NSUN2: variants seen among roughly 807,000 people sequenced by gnomAD.
NSUN2 encodes the protein NOP2/Sun RNA methyltransferase 2, also known as RNA cytosine C(5)-methyltransferase NSUN2.
NSUN2 carries 63 observed loss-of-function variants against 92.7 expected under a neutral mutation model. The observed-to-expected ratio is 0.68, with a 90% CI of 0.56 to 0.84. The LOEUF (loss-of-function observed/expected upper bound fraction) is 0.84, where lower values mean the gene tolerates loss of function less well. NSUN2 is among the 40% of genes least tolerant of loss of function. The probability of loss-of-function intolerance (pLI) is 0.00; values close to 1 mark genes in which losing one functional copy is unlikely to be tolerated. For missense variants in NSUN2, 989 were observed against 964.9 expected, an observed-to-expected ratio of 1.02 and a Z score of -0.33; for synonymous variants, 356 against 348.3, an observed-to-expected ratio of 1.02 and a Z score of -0.25.
In NSUN2 at chr5:6,604,222, C is replaced by G. The variant is rs758271118; in HGVS notation, c.1873G>C (p.Glu625Gln). 8.7e-6 allele frequency: 14 copies of G among 1,606,730 alleles called. No homozygotes were observed. The highest frequency in any genetic ancestry group is 1.3e-5 in the African/African-American group (1 of 74,754). Residue 625 changes from glutamate (E) to glutamine (Q), a missense_variant, in exon 17 of 19, where the codon GAA (glutamate) becomes CAA (glutamine). Transcript: ENST00000264670. ...INSRIITVSM[E>Q]DVKILLTQEN... ...TGGGTCAACAGTATCTTAACATCTT[C>G]CATTGATACAGTAATAATTCTTGAG...
Position 6,611,448 on chromosome 5 carries a change from T to TAAAAAAAAAAAAAAAAAAAAAAAA in NSUN2, c.1095+276_1095+277insTTTTTTTTTTTTTTTTTTTTTTTT, listed in dbSNP as rs760872450. 5.6e-4 allele frequency among the ~76,000 whole-genome samples: 48 copies of TAAAAAAAAAAAAAAAAAAAAAAAA among 86,076 alleles called. 8 individuals carry two copies. The highest frequency in any genetic ancestry group is 1.4e-3 in the East Asian group (4 of 2,962). 56.5% of individuals were successfully genotyped at this position (86,076 alleles called of 152,430 possible). Reference sequence around the variant, plus strand: ...ACAAGGCTTGAATCCCGGCCCAATTTAAAAAAAAAAAAAAAAAGCAAAGCT... The same window carrying TAAAAAAAAAAAAAAAAAAAAAAAA: ...ACAAGGCTTGAATCCCGGCCCAATTTAAAAAAAAAAAAAAAAAAAAAAAAAAAAAAAAAAAAAAAAAGCAAAGCT... On this transcript the variant is annotated intron_variant, in intron 10 of 18. Transcript: ENST00000264670.
intron 2 of NSUN2, 87 bp from the exon 3 acceptor site, chr5:6,632,064 T>C (rs1737929873): frequency 9.7e-7 from 1 of 1,032,142 alleles, no homozygotes; most frequent in South Asian, 1.4e-5. Flanking sequence ...GCAAGTGTTT[T>C]AAAACTAAAA....
intron 6 of NSUN2, 37 bp from the exon 7 acceptor site, chr5:6,620,335 G>A: frequency 6.8e-7 from 1 of 1,474,862 alleles, no homozygotes; most frequent in East Asian, 2.5e-5. Context: ...GTGAAATGGA[G>A]CCTAAGTGGA....
intron 5 of NSUN2, 122 bp downstream of exon 5, chr5:6,623,092 C>T: frequency 1.5e-6 from 1 of 683,854 alleles, no homozygotes. Context: ...CACTCTCTAT[C>T]CAAAGTGAAA....
Position 6,600,026 on chromosome 5 carries a change from C to G in NSUN2, c.2204G>C (p.Gly735Ala). 1 of 1,614,232 alleles carries G rather than the reference C, an allele frequency of 6.2e-7. No homozygotes were observed. The highest frequency in any genetic ancestry group is 8.5e-7 in the Non-Finnish European group (1 of 1,180,030). Residue 735 changes from glycine (G) to alanine (A), a missense_variant, in exon 19 of 19, where the codon GGA becomes GCA. Around this residue, in one of 3 missense-constraint regions of NSUN2, gnomAD observed 626 missense variants for 602.3 expected, o/e 1.04. Transcript: ENST00000264670. ...TGQPDNDVTE[G>A]QRAGEPNSPD... ...GCTGTTGGGCTCTCCTGCTCTCTGT[C>G]CCTCAGTCACGTCATTGTCTGGCTG... is the stretch of plus-strand genomic sequence containing the variant.
At chr5:6,610,065 ATTT>A (rs59901468) in intron 11 of NSUN2, 143 bp from the exon 12 acceptor site, 632 of 376,020 alleles carry the variant, frequency 1.7e-3, no homozygotes, top group South Asian at 2.6e-3. Flanking sequence ...GTAAACTTAA[ATTT>A]TTTTTTTTTT....
chr5:6,612,675 C>T (rs1441998296), intron 9 of NSUN2, among the ~76,000 whole-genome samples: 1 of 152,186 alleles, frequency 6.6e-6, no homozygotes, highest in African/African-American at 2.4e-5. Context: ...AGTAAGAAAC[C>T]TTTGAAGCAA....
rs1273326096 is a variant in NSUN2, at chr5:6,631,972, G to C, written c.260C>G (p.Ala87Gly). The C allele has an allele frequency of 6.2e-7, 1 of 1,609,654 alleles. No individual in the cohort carries two copies. Among genetic ancestry groups the C allele is most frequent in the Non-Finnish European group, 8.5e-7 (1 of 1,177,338 alleles). Residue 87 changes from alanine to glycine, a missense_variant, in exon 3 of 19, where the codon GCA becomes GGA. Ala to Gly is a moderately conservative substitution (Grantham distance 60). Around this residue, in one of 3 missense-constraint regions of NSUN2, gnomAD observed 356 missense variants for 338.6 expected, o/e 1.05. Transcript: ENST00000264670. ...TLRITGYKSHAKEILHCLKNK... is the reference protein window; with the variant it reads ...TLRITGYKSHGKEILHCLKNK... ...CTTTAAGCAATGGAGAATCTCTTTT[G>C]CGTGGCTATTGAAAAATAAGGAAGT...
intron 3 of NSUN2, among the ~76,000 whole-genome samples, chr5:6,626,881 G>C (rs1737677548): frequency 6.6e-6 from 1 of 152,176 alleles, no homozygotes; most frequent in Admixed American, 6.5e-5. Flanking sequence ...ATTGTAGCTA[G>C]AGTGAAAACC....
Position 6,604,639 on chromosome 5 carries a change from T to C in NSUN2, c.1784A>G (p.Glu595Gly). The C allele has an allele frequency of 6.2e-7, 1 of 1,614,066 alleles. No homozygotes were observed. The highest frequency in any genetic ancestry group is 1.1e-5 in the South Asian group (1 of 91,078). ...IKVWCRNNSG[E>G]EFDCAFRLAQ... ...CAGCCGGAAAGCACAGTCAAACTCT[T>C]CACCGCTGTTATTTCTACACCAGAC... The change falls in exon 16 of 19, where the codon GAA becomes GGA. Residue 595 changes from glutamate to glycine, a missense_variant. By Grantham distance (98) the Glu-to-Gly change is moderately conservative. Around this residue, in one of 3 missense-constraint regions of NSUN2, gnomAD observed 626 missense variants for 602.3 expected, o/e 1.04. Transcript: ENST00000264670.
In NSUN2 at chr5:6,602,428, G is replaced by A. The variant is rs1736594530; in HGVS notation, c.1997+33C>T. 11 of 1,604,640 alleles carry A rather than the reference G, an allele frequency of 6.9e-6. 1 individual carries two copies. The highest frequency in any genetic ancestry group is 2.2e-5 in the East Asian group (1 of 44,826). ...AACACTGTAGCTAATGACAAGGCGT[G>A]TGTGTCTAAGGGCAGGGCGTGTACT... On this transcript the variant is annotated intron_variant, in intron 18 of 18. Transcript: ENST00000264670.
At chr5:6,626,487 A>G (rs535935649) in intron 3 of NSUN2, among the ~76,000 whole-genome samples, 1 of 152,172 alleles carries the variant, frequency 6.6e-6, no homozygotes, top group South Asian at 2.1e-4. Context: ...CTCATGCCTC[A>G]GTCAGCCACC....
intron 9 of NSUN2, among the ~76,000 whole-genome samples, chr5:6,612,241 C>A (rs1467473960): frequency 6.6e-6 from 1 of 152,236 alleles, no homozygotes; most frequent in Non-Finnish European, 1.5e-5. Context: ...GAAGGCTGGG[C>A]TGCAGGACGC....
intron 9 of NSUN2, among the ~76,000 whole-genome samples, chr5:6,614,010 T>A (rs1442096936): frequency 7.0e-6 from 1 of 141,920 alleles, no homozygotes; most frequent in Non-Finnish European, 1.5e-5. Context: ...GGCAGGAGAA[T>A]CACTTAACCC....
intron 14 of NSUN2, 56 bp from the exon 15 acceptor site, chr5:6,605,464 T>C (rs1736731525): frequency 1.3e-6 from 2 of 1,569,012 alleles, no homozygotes; most frequent in Non-Finnish European, 8.8e-7. Flanking sequence ...TGGTAGACTG[T>C]TTCTAAACAT....
At chr5:6,617,060 T>C (rs974664026) in intron 8 of NSUN2, among the ~76,000 whole-genome samples, 8 of 152,224 alleles carry the variant, frequency 5.3e-5, no homozygotes, top group African/African-American at 1.9e-4. Context: ...TATATAAATA[T>C]TCTTACTGCT....
At chr5:6,605,558 A>G (rs1736733739) in intron 14 of NSUN2, 150 bp from the exon 15 acceptor site, 3 of 718,976 alleles carry the variant, frequency 4.2e-6, no homozygotes, top group Non-Finnish European at 6.8e-6. Context: ...TCCAGCTTCT[A>G]AACTTCATCC....
Position 6,611,728 on chromosome 5 carries a change from C to T in NSUN2, c.1092G>A (p.Trp364Ter). ...GLKWMPGITQ[W>*]KVMTKDGQWF... ...AAAGTTCTCGAGGAAAGGTTACCTT[C>T]CACTGTGTGATTCCAGGCATCCACT... is the stretch of plus-strand genomic sequence containing the variant. The change falls in exon 10 of 19, where the codon TGG becomes TGA. Residue 364 changes from tryptophan (W) to a stop codon, truncating the protein, a stop_gained. Coordinates refer to ENST00000264670, the MANE Select transcript of NSUN2 (RefSeq NM_017755.6). LOFTEE classifies it high-confidence loss of function. 1 of 1,614,008 alleles carries T rather than the reference C, an allele frequency of 6.2e-7. No homozygotes were observed. Among genetic ancestry groups the T allele is most frequent in the South Asian group, 1.1e-5 (1 of 91,078 alleles).
rs745639891 is a variant in NSUN2 at position 6,620,060 on chromosome 5, TGATTTC to T, written c.815+40_815+45del. On this transcript the variant is annotated intron_variant, in intron 7 of 18. Coordinates refer to ENST00000264670, the MANE Select transcript of NSUN2 (RefSeq NM_017755.6). ...ACTTCATTTTAGTCTCTATTTGACT[TGATTTC>T]TTTAGTGGATTTGGGCTTTTTGGCC... is the stretch of plus-strand genomic sequence containing the variant. The T allele has an allele frequency of 4.8e-6, 7 of 1,444,154 alleles. No individual in the cohort carries two copies. In the Admixed American group the frequency reaches 1.6e-4, roughly 33 times the overall value. The allele number at this position is 1,444,154 out of a possible 1,614,324, so 89.5% of individuals were successfully genotyped here. A position where few individuals can be genotyped will look rare whatever the true frequency, so the allele number is the denominator to read the frequency against.
Sources: allele counts gnomAD v4.1 joint callset (sites outside exome capture counted in the v4.1 genomes callset), GRCh38; gene constraint gnomAD v4.1.1; regional missense constraint gnomAD v4.1.1; transcripts MANE v1.5; gene names NCBI Gene and HGNC (gene_info 2026-07-23, HGNC 2026-07-21).